The following MGAT5 variants were observed in gnomAD, a reference collection of about 807,000 sequenced individuals.
MGAT5 encodes the protein alpha-1,6-mannosylglycoprotein 6-beta-N-acetylglucosaminyltransferase A.
Under a neutral mutation model 94.3 loss-of-function variants are expected in MGAT5, and 30 were observed. The ratio of observed to expected loss-of-function variants is 0.32; its 90% confidence interval spans 0.24 to 0.43. MGAT5 has a LOEUF of 0.43. Ranked by LOEUF, MGAT5 falls within the 20% of genes least tolerant of loss-of-function variation. MGAT5 has a pLI of 1.00. For missense variants in MGAT5, 691 were observed against 905.5 expected, an observed-to-expected ratio of 0.76 and a Z score of 3.04; for synonymous variants, 310 against 322.9, an observed-to-expected ratio of 0.96 and a Z score of 0.43.
chr2:134,340,320 A>G (rs1411559145), intron 6 of MGAT5, among the ~76,000 whole-genome samples: 2 of 152,192 alleles, frequency 1.3e-5, no homozygotes, highest in Non-Finnish European at 2.9e-5. Flanking sequence ...TGTTGAGCCT[A>G]CAACAGTCTT....
intron 10 of MGAT5, among the ~76,000 whole-genome samples, chr2:134,379,598 A>G (rs1022994266): frequency 6.6e-6 from 1 of 152,212 alleles, no homozygotes. Context: ...GCTGCCTCTG[A>G]TGGGACAGAG....
chr2:134,275,578 CTTT>C (rs11409592), intron 2 of MGAT5, among the ~76,000 whole-genome samples: 3,553 of 79,544 alleles, frequency 0.045, 68 homozygotes, highest in East Asian at 0.19. Flanking sequence ...GTGCTATTTC[CTTT>C]TTTTTTTTTT....
At chr2:134,306,970 A>G (rs987084011) in intron 2 of MGAT5, among the ~76,000 whole-genome samples, 2 of 152,124 alleles carry the variant, frequency 1.3e-5, no homozygotes, top group African/African-American at 4.8e-5. Context: ...CAGTTCCAGG[A>G]GCAGGCCTCT....
intron 8 of MGAT5, among the ~76,000 whole-genome samples, chr2:134,348,855 T>C (rs1034234748): frequency 6.6e-6 from 1 of 152,220 alleles, no homozygotes; most frequent in Non-Finnish European, 1.5e-5. Flanking sequence ...TTCTTCCAAC[T>C]GGTTGCTCTT....
intron 9 of MGAT5, among the ~76,000 whole-genome samples, chr2:134,356,694 C>G (rs952385054): frequency 1.3e-4 from 20 of 152,122 alleles, no homozygotes; most frequent in African/African-American, 4.8e-4. Flanking sequence ...TCCTCAAAAC[C>G]CTGTCGCTTA....
rs1055416518 is a variant in MGAT5, at chr2:134,189,738, A to C, written c.-142-64524A>C. 1.9e-4 allele frequency among the ~76,000 whole-genome samples: 28 copies of C among 151,252 alleles called. 1 individual carries two copies. The highest frequency in any genetic ancestry group is 4.0e-4 in the Non-Finnish European group (27 of 67,878). ...TGCCTCAGCCTCCCGAGCAGCTGGG[A>C]CTACAGGTGCCTGCCAGCATGCCCA... On this transcript the variant is annotated intron_variant, in intron 1 of 16. Coordinates refer to the MGAT5 transcript ENST00000409645.
At chr2:134,264,858 G>T (rs1181248769) in intron 1 of MGAT5, among the ~76,000 whole-genome samples, 2 of 152,168 alleles carry the variant, frequency 1.3e-5, no homozygotes, top group Non-Finnish European at 2.9e-5. Flanking sequence ...TGCCTCTCGG[G>T]CAGCCATGGT....
At chr2:134,307,425 G>T (rs996921074) in intron 2 of MGAT5, among the ~76,000 whole-genome samples, 1 of 151,978 alleles carries the variant, frequency 6.6e-6, no homozygotes, top group Non-Finnish European at 1.5e-5. Context: ...CTTTTCCTCT[G>T]GATGTCACCT....
chr2:134,337,206 G>A (rs754920229), intron 5 of MGAT5, among the ~76,000 whole-genome samples: 5 of 152,320 alleles, frequency 3.3e-5, no homozygotes, highest in South Asian at 2.1e-4. Flanking sequence ...TGGATGTGGC[G>A]GCTCATGCCT....
chr2:134,343,213 GA>G (rs1257433391), intron 7 of MGAT5, among the ~76,000 whole-genome samples: 2 of 152,178 alleles, frequency 1.3e-5, no homozygotes, highest in Non-Finnish European at 2.9e-5. Context: ...ATGGTCAAGG[GA>G]AAATTTGTTC....
intron 2 of MGAT5, among the ~76,000 whole-genome samples, chr2:134,275,400 T>C (rs1175375736): frequency 6.6e-6 from 1 of 152,144 alleles, no homozygotes; most frequent in Non-Finnish European, 1.5e-5. Flanking sequence ...TTTCACTTTG[T>C]GTGGTCAAGG....
In MGAT5 at chr2:134,428,367, T is replaced by G. The variant is rs910242621; in HGVS notation, c.1797T>G (p.Ile599Met). ...GGTATCATGCTCTGTTTCCACAGAT[T>G]GAGCCATACATGCCATATGAATTTA... ...DAVKAILNQK[I>M]EPYMPYEFTC... is the part of the protein sequence containing the mutation. The change falls in exon 14 of 16, where the codon ATT becomes ATG. Residue 599 changes from isoleucine to methionine, a missense_variant and splice_region_variant. Ile to Met is a conservative substitution (Grantham distance 10, BLOSUM62 1). Transcript: ENST00000281923. The G allele has an allele frequency of 7.4e-6, 12 of 1,613,854 alleles. No homozygotes were observed. In the African/African-American group the frequency reaches 1.6e-4, roughly 22 times the overall value.
intron 2 of MGAT5, among the ~76,000 whole-genome samples, chr2:134,272,987 G>A (rs186020921): frequency 6.6e-6 from 1 of 152,080 alleles, no homozygotes; most frequent in Admixed American, 6.5e-5. Context: ...GTAAAAGCTG[G>A]CCCGTGTATG....
At chr2:134,355,863 G>T (rs1158040306) in intron 9 of MGAT5, among the ~76,000 whole-genome samples, 2 of 152,048 alleles carry the variant, frequency 1.3e-5, no homozygotes, top group Non-Finnish European at 2.9e-5. Context: ...GCTGAAAGTA[G>T]CAATAGCAGG....
chr2:134,422,673 CA>C, intron 12 of MGAT5, 129 bp from the exon 13 acceptor site: 1 of 666,590 alleles, frequency 1.5e-6, no homozygotes, highest in Admixed American at 2.2e-5. Flanking sequence ...TTTTGATCAT[CA>C]AGGGGAAGGA....
At chr2:134,283,645 CTTTTTTTTTTTTTTTTT>C (rs35922830) in intron 2 of MGAT5, among the ~76,000 whole-genome samples, 1 of 69,072 alleles carries the variant, frequency 1.4e-5, no homozygotes, top group East Asian at 6.5e-4. Context: ...AATGTAGTAT[CTTTTTTTTTTTTTTTTT>C]TTTTTTTTTT....
intron 12 of MGAT5, among the ~76,000 whole-genome samples, chr2:134,418,287 G>A (rs1024893895): frequency 6.6e-6 from 1 of 152,200 alleles, no homozygotes; most frequent in African/African-American, 2.4e-5. Context: ...TGTAAGAAGA[G>A]AATAGGCATT....
chr2:134,315,436 T>C, intron 2 of MGAT5, among the ~76,000 whole-genome samples: 1 of 152,198 alleles, frequency 6.6e-6, no homozygotes, highest in East Asian at 1.9e-4. Flanking sequence ...ATAATGGTCA[T>C]TGCAAAATAC....
chr2:134,239,590 C>T (rs543828111), intron 1 of MGAT5, among the ~76,000 whole-genome samples: 1 of 152,238 alleles, frequency 6.6e-6, no homozygotes, highest in South Asian at 2.1e-4. Flanking sequence ...CCTGTGATGA[C>T]ATTGAGCCCG....
Sources: gnomAD v4.1 joint callset for allele counts (sites outside exome capture counted in the v4.1 genomes callset) on GRCh38, gnomAD v4.1.1 for gene constraint, MANE v1.5 for transcripts, NCBI Gene and HGNC (gene_info 2026-07-23, HGNC 2026-07-21) for gene names.